Variants in KAZN observed in about 807,000 individuals in gnomAD.
KAZN encodes kazrin.
Under a neutral mutation model 87.4 loss-of-function variants are expected in KAZN, and 40 were observed. The observed-to-expected ratio is 0.46, with a 90% CI of 0.36 to 0.60. KAZN has a LOEUF of 0.60. Among genes scored for constraint, KAZN ranks in the 20% least tolerant of loss-of-function variants. The probability of loss-of-function intolerance (pLI) is 0.00; values close to 1 mark genes in which losing one functional copy is unlikely to be tolerated. For synonymous variants in KAZN, 466 were observed against 458.3 expected, an observed-to-expected ratio of 1.02 and a Z score of -0.22; for missense variants, 898 against 1,073.9, an observed-to-expected ratio of 0.84 and a Z score of 2.29.
At chr1:14,034,001 G>A (rs975875924) in intron 1 of KAZN, among the ~76,000 whole-genome samples, 6 of 152,230 alleles carry the variant, frequency 3.9e-5, no homozygotes, top group African/African-American at 1.4e-4. Flanking sequence ...GGGAATGTAT[G>A]TGGAAACGTC....
rs145938504 is a variant in KAZN at position 14,336,540 on chromosome 1, C to G, written c.249+155948C>G. 5.4e-3 allele frequency among the ~76,000 whole-genome samples: 825 copies of G among 152,316 alleles called. 6 individuals carry two copies. Among genetic ancestry groups the G allele is most frequent in the African/African-American group, 0.019 (789 of 41,566 alleles). On this transcript the variant is annotated intron_variant, in intron 2 of 16. Transcript: ENST00000636203. ...AACTTTTTGAGGAATCACCAAACTCCTTTTCACAGCAGCTGCACCATGTTA... is the reference window on the plus strand; with the variant it reads ...AACTTTTTGAGGAATCACCAAACTCGTTTTCACAGCAGCTGCACCATGTTA...
chr1:14,650,032 CTTTTTTTTTTTTT>C (rs34399319), intron 1 of KAZN, among the ~76,000 whole-genome samples: 1 of 88,338 alleles, frequency 1.1e-5, no homozygotes, highest in African/African-American at 4.0e-5. Context: ...CTCCACCCAT[CTTTTTTTTTTTTT>C]TTTTTTTTTT....
In KAZN at chr1:14,599,057, C is replaced by T. The variant is rs1242802430; in HGVS notation, c.60C>T (p.Ser20=). 3.8e-6 allele frequency: 6 copies of T among 1,563,726 alleles called. No homozygotes were observed. The highest frequency in any genetic ancestry group is 5.2e-6 in the Non-Finnish European group (6 of 1,159,636). The part of the protein sequence containing the change: ...LRIDGAVQSA[S]QEVTNLRAEL... ...TCGATGGGGCGGTCCAGTCGGCCAGCCAGGAGGTGACCAACCTGCGAGCCG... is the reference window on the plus strand; with the variant it reads ...TCGATGGGGCGGTCCAGTCGGCCAGTCAGGAGGTGACCAACCTGCGAGCCG... The change falls in exon 1 of 15, where the codon AGC becomes AGT. Residue 20 remains serine, a synonymous_variant. Transcript: ENST00000376030. The surrounding 1 kb of genome is among the most constrained non-coding windows in gnomAD (Gnocchi z 4.4).
At chr1:14,936,636 C>T (rs1286713212) in intron 1 of KAZN, among the ~76,000 whole-genome samples, 3 of 152,160 alleles carry the variant, frequency 2.0e-5, no homozygotes, top group African/African-American at 7.2e-5. Flanking sequence ...TTTGATCCTT[C>T]CTCATCCCAT....
chr1:13,969,057 T>G (rs1379381875), intron 1 of KAZN, among the ~76,000 whole-genome samples: 1 of 152,238 alleles, frequency 6.6e-6, no homozygotes, highest in African/African-American at 2.4e-5. Context: ...ATTCATTAAT[T>G]CAGCAGATAT....
At chr1:14,227,870 G>A (rs1258298427) in intron 2 of KAZN, among the ~76,000 whole-genome samples, 1 of 152,160 alleles carries the variant, frequency 6.6e-6, no homozygotes, top group East Asian at 1.9e-4. Flanking sequence ...TAGTATGGAA[G>A]CTTAGACTAT....
intron 1 of KAZN, among the ~76,000 whole-genome samples, chr1:14,875,998 G>A (rs1652727408): frequency 6.6e-6 from 1 of 152,224 alleles, no homozygotes; most frequent in Non-Finnish European, 1.5e-5. Flanking sequence ...TGTGATGACA[G>A]TGAAGTGAGA....
chr1:14,404,445 T>A (rs1663669243), intron 2 of KAZN, among the ~76,000 whole-genome samples: 1 of 152,198 alleles, frequency 6.6e-6, no homozygotes, highest in South Asian at 2.1e-4. Flanking sequence ...TCTGCCTAAA[T>A]AATTTCTTTC....
rs143281844 is a variant in KAZN at position 13,935,862 on chromosome 1, A to ATGTGTG, written c.91+42140_91+42145dup. Among the ~76,000 whole-genome samples, 203 of 124,230 alleles carry ATGTGTG rather than the reference A, an allele frequency of 1.6e-3. 1 individual carries two copies. The highest frequency in any genetic ancestry group is 6.8e-3 in the South Asian group (24 of 3,542). 81.5% of individuals were successfully genotyped at this position (124,230 alleles called of 152,430 possible). On this transcript the variant is annotated intron_variant, in intron 1 of 16. Transcript: ENST00000636203. ...TGTGGATAATTACTTTTACATCCTA[A>ATGTGTG]TGTGTGTGTGTGTGTGTGTGTGTGT...
intron 2 of KAZN, among the ~76,000 whole-genome samples, chr1:14,434,262 A>G (rs1666251118): frequency 6.6e-6 from 1 of 152,086 alleles, no homozygotes. Flanking sequence ...ACTCTTGGTT[A>G]TTCTTCCTCC....
intron 1 of KAZN, among the ~76,000 whole-genome samples, chr1:14,088,307 T>C (rs1308884632): frequency 1.3e-5 from 2 of 151,880 alleles, no homozygotes; most frequent in Non-Finnish European, 2.9e-5. Context: ...ACTTCAGCTA[T>C]ACCTCACAAA....
At chr1:14,977,924 G>T (rs112640430) in intron 2 of KAZN, among the ~76,000 whole-genome samples, 1 of 124,656 alleles carries the variant, frequency 8.0e-6, no homozygotes, top group Non-Finnish European at 1.6e-5. Context: ...GTGGAGTTTC[G>T]CTCTTGTTGC....
intron 2 of KAZN, among the ~76,000 whole-genome samples, chr1:14,467,909 T>C (rs187250651): frequency 1.6e-4 from 24 of 152,298 alleles, no homozygotes; most frequent in African/African-American, 4.8e-4. Context: ...TTGAGTTTCA[T>C]TGGCCTGCTT....
intron 2 of KAZN, among the ~76,000 whole-genome samples, chr1:14,974,041 A>G (rs1163232764): frequency 6.6e-6 from 1 of 152,006 alleles, no homozygotes; most frequent in Non-Finnish European, 1.5e-5. Context: ...GGCTTCACTC[A>G]CATATCTGGT....
rs564880014 is a variant in KAZN, at chr1:14,436,696, C to T, written c.250-162287C>T. Among the ~76,000 whole-genome samples the T allele has an allele frequency of 4.8e-3, 633 of 131,742 alleles. 5 individuals are homozygous for T. Among genetic ancestry groups the T allele is most frequent in the Admixed American group, 6.4e-3 (69 of 10,852 alleles). The allele number at this position is 131,742 out of a possible 152,430, so 86.4% of individuals were successfully genotyped here. A position where few individuals can be genotyped will look rare whatever the true frequency, so the allele number is the denominator to read the frequency against. On this transcript the variant is annotated intron_variant, in intron 2 of 16. Transcript: ENST00000636203. ...TTGCACCACTGCACTCCAGCCTGGG[C>T]GACAGAGCGAGACTCTGTCTCAAAA...
In KAZN at chr1:14,284,874, G is replaced by A. The variant is rs1653117531; in HGVS notation, c.249+104282G>A. Among the ~76,000 whole-genome samples the A allele has an allele frequency of 2.0e-5, 3 of 152,144 alleles. No homozygotes were observed. The South Asian group carries it at 6.2e-4, about 32-fold the overall frequency. On this transcript the variant is annotated intron_variant, in intron 2 of 16. Coordinates refer to the KAZN transcript ENST00000636203. ...ATTGGGCAAGTTAGTACCAGAGATG[G>A]GTCTCTCTGTTTTACTCTTACAAAT...
chr1:13,938,429 C>G (rs943520025), intron 1 of KAZN, among the ~76,000 whole-genome samples: 3 of 152,060 alleles, frequency 2.0e-5, no homozygotes, highest in Admixed American at 1.3e-4. Context: ...TTTGGAGGAG[C>G]CTTTAGGGTT....
intron 2 of KAZN, among the ~76,000 whole-genome samples, chr1:14,234,618 A>T (rs1648223419): frequency 6.6e-6 from 1 of 152,176 alleles, no homozygotes; most frequent in African/African-American, 2.4e-5. Flanking sequence ...TTTCCAATTG[A>T]ACATGAAGAT....
intron 2 of KAZN, among the ~76,000 whole-genome samples, chr1:14,194,979 T>C (rs1397415721): frequency 6.6e-6 from 1 of 152,148 alleles, no homozygotes; most frequent in Non-Finnish European, 1.5e-5. Flanking sequence ...AGTATTCAAG[T>C]ATAGTTCTCA....
Sources: gnomAD v4.1 joint callset for allele counts (sites outside exome capture counted in the v4.1 genomes callset) on GRCh38, gnomAD v4.1.1 for gene constraint, Gnocchi (gnomAD v3.1) non-coding constraint, MANE v1.5 for transcripts, NCBI Gene and HGNC (gene_info 2026-07-23, HGNC 2026-07-21) for gene names.